Variants in TNRC6B observed in about 807,000 individuals in gnomAD.
TNRC6B encodes trinucleotide repeat containing adaptor 6B, also known as trinucleotide repeat-containing gene 6B protein.
A neutral mutation model predicts 203.6 loss-of-function variants in TNRC6B; 52 were observed. The observed-to-expected ratio is 0.26, with a 90% CI of 0.20 to 0.32. TNRC6B has a LOEUF of 0.32. Ranked by LOEUF, TNRC6B falls within the 10% of genes least tolerant of loss-of-function variation. The pLI is 1.00. For missense variants in TNRC6B, 1,923 were observed against 2,286.2 expected (o/e 0.84, Z 3.24); for synonymous variants, 838 against 845.7 (o/e 0.99, Z 0.16).
intron 3 of TNRC6B, among the ~76,000 whole-genome samples, chr22:40,259,117 C>T (rs2070332849): frequency 6.6e-6 from 1 of 152,168 alleles, no homozygotes; most frequent in South Asian, 2.1e-4. Flanking sequence ...GCTATAGAAT[C>T]CTCCAGTAAC....
At chr22:40,282,983 A>G (rs892730771) in intron 11 of TNRC6B, among the ~76,000 whole-genome samples, 1 of 152,094 alleles carries the variant, frequency 6.6e-6, no homozygotes. Context: ...GCATTAGCAC[A>G]TATACAAGTG....
intron 15 of TNRC6B, among the ~76,000 whole-genome samples, chr22:40,305,690 C>T (rs1198140976): frequency 6.6e-6 from 1 of 152,180 alleles, no homozygotes; most frequent in African/African-American, 2.4e-5. Context: ...CCTATTCTTT[C>T]TCTTACCCCT....
chr22:40,245,794 G>A (rs1458257512), intron 1 of TNRC6B, among the ~76,000 whole-genome samples: 2 of 152,088 alleles, frequency 1.3e-5, no homozygotes, highest in African/African-American at 2.4e-5. Context: ...TCTTTGAAAC[G>A]AAACTTAATG....
At chr22:40,306,269 G>A (rs919581816) in intron 15 of TNRC6B, among the ~76,000 whole-genome samples, 32 of 152,310 alleles carry the variant, frequency 2.1e-4, no homozygotes, top group African/African-American at 5.8e-4. Flanking sequence ...TCCAGCCTGG[G>A]CGACAGAGCG....
At chr22:40,149,109 A>T (rs1001938747) in intron 3 of TNRC6B, among the ~76,000 whole-genome samples, 1 of 152,274 alleles carries the variant, frequency 6.6e-6, no homozygotes, top group African/African-American at 2.4e-5. Context: ...TTGCAGTAGC[A>T]AAAATCGAAA....
chr22:40,147,172 T>C (rs1372597140), intron 3 of TNRC6B, among the ~76,000 whole-genome samples: 1 of 141,722 alleles, frequency 7.1e-6, no homozygotes, highest in East Asian at 1.9e-4. Context: ...TGAAGACATA[T>C]GCTAAGTGAA....
chr22:40,054,873 C>CAA (rs536397622), intron 1 of TNRC6B, among the ~76,000 whole-genome samples: 120 of 134,220 alleles, frequency 8.9e-4, no homozygotes, highest in South Asian at 2.3e-3. Context: ...CCCATCTCTA[C>CAA]AAAAAAAAAA....
chr22:40,221,056 CT>C (rs919671718), intron 1 of TNRC6B, among the ~76,000 whole-genome samples: 1 of 152,180 alleles, frequency 6.6e-6, no homozygotes, highest in Non-Finnish European at 1.5e-5. Flanking sequence ...GGCATCCCCC[CT>C]GGTGTCTGGG....
At chr22:40,180,714 T>A (rs569753810) in intron 1 of TNRC6B, among the ~76,000 whole-genome samples, 1 of 152,330 alleles carries the variant, frequency 6.6e-6, no homozygotes, top group South Asian at 2.1e-4. Context: ...AAGTTTTCTT[T>A]CTGTGAGTAC....
chr22:40,209,021 CA>C (rs1485777120), intron 1 of TNRC6B, among the ~76,000 whole-genome samples: 4 of 152,188 alleles, frequency 2.6e-5, no homozygotes, highest in African/African-American at 9.7e-5. Context: ...ACATTTTTAT[CA>C]GAGCAACAAT....
intron 1 of TNRC6B, among the ~76,000 whole-genome samples, chr22:40,181,623 G>A (rs1368296842): frequency 1.3e-5 from 2 of 152,206 alleles, no homozygotes; most frequent in African/African-American, 4.8e-5. Context: ...ATCTGCATTA[G>A]GAGGGTCCTT....
intron 17 of TNRC6B, 127 bp downstream of exon 17, chr22:40,311,120 A>G: frequency 8.9e-7 from 1 of 1,119,168 alleles, no homozygotes. Context: ...TCATTCAATA[A>G]TTGTCTGTTA....
At chr22:40,061,475 G>A (rs572970695) in intron 1 of TNRC6B, among the ~76,000 whole-genome samples, 11 of 151,698 alleles carry the variant, frequency 7.3e-5, no homozygotes, top group Admixed American at 5.3e-4. Flanking sequence ...CACCTGCCTC[G>A]GCCTTCCAAA....
At chr22:40,232,391 G>T (rs1480917119) in intron 1 of TNRC6B, among the ~76,000 whole-genome samples, 1 of 152,160 alleles carries the variant, frequency 6.6e-6, no homozygotes, top group East Asian at 1.9e-4. Context: ...AGTGTTTCAG[G>T]GATGCATCAT....
chr22:40,170,284 GA>G (rs1176637199), intron 4 of TNRC6B, among the ~76,000 whole-genome samples: 39 of 124,364 alleles, frequency 3.1e-4, no homozygotes, highest in Middle Eastern at 4.6e-3. Context: ...TCTCAAGGGG[GA>G]AAAAAATATA....
At chr22:40,322,810 GATTTTCCTGA>G in intron 22 of TNRC6B, 34 bp from the exon 23 acceptor site, 1 of 1,611,158 alleles carries the variant, frequency 6.2e-7, no homozygotes, top group East Asian at 2.2e-5. Flanking sequence ...TATGCTTTAG[GATTTTCCTGA>G]GATCCATAGC....
At chr22:40,270,680 T>C (rs1438155881) in intron 6 of TNRC6B, among the ~76,000 whole-genome samples, 1 of 152,170 alleles carries the variant, frequency 6.6e-6, no homozygotes, top group South Asian at 2.1e-4. Flanking sequence ...TGGTGAGGGC[T>C]GTTTAGTTTT....
intron 3 of TNRC6B, among the ~76,000 whole-genome samples, chr22:40,133,757 T>A (rs914056865): frequency 2.6e-4 from 40 of 151,744 alleles, no homozygotes; most frequent in Admixed American, 2.6e-3. Context: ...TCACCTGAGG[T>A]TGGGAGTTCG....
chr22:40,223,088 G>T (rs1026110452), intron 1 of TNRC6B, among the ~76,000 whole-genome samples: 1 of 151,052 alleles, frequency 6.6e-6, no homozygotes, highest in Non-Finnish European at 1.5e-5. Context: ...AGTTTAAAAA[G>T]GTATATAGTT....
Sources: allele counts gnomAD v4.1 joint callset (sites outside exome capture counted in the v4.1 genomes callset), GRCh38; gene constraint gnomAD v4.1.1; transcripts MANE v1.5; gene names NCBI Gene and HGNC (gene_info 2026-07-23, HGNC 2026-07-21).